Variants in TMEM132D observed in about 807,000 individuals in gnomAD.
TMEM132D encodes transmembrane protein 132D.
Under a neutral mutation model 62.3 loss-of-function variants are expected in TMEM132D, and 21 were observed. The ratio of observed to expected loss-of-function variants is 0.34; its 90% CI spans 0.24 to 0.49. The LOEUF (loss-of-function observed/expected upper bound fraction) is 0.49. Ranked by LOEUF, TMEM132D falls within the 20% of genes least tolerant of loss-of-function variation. TMEM132D has a pLI of 0.99. For missense variants in TMEM132D, 1,346 were observed against 1,402.8 expected, an observed-to-expected ratio of 0.96 and a Z score of 0.65; for synonymous variants, 621 against 575.6, an observed-to-expected ratio of 1.08 and a Z score of -1.13.
intron 2 of TMEM132D, among the ~76,000 whole-genome samples, chr12:129,640,059 TACACACACAC>T (rs10591977): frequency 2.0e-5 from 3 of 150,652 alleles, no homozygotes; most frequent in South Asian, 4.2e-4. Flanking sequence ...CACACACACA[TACACACACAC>T]ACACACACAC....
chr12:129,801,498 T>C (rs1008292984), intron 1 of TMEM132D, among the ~76,000 whole-genome samples: 3 of 151,462 alleles, frequency 2.0e-5, no homozygotes, highest in Admixed American at 6.6e-5. Flanking sequence ...GAAGGAAAAC[T>C]AACAAACAGA....
intron 3 of TMEM132D, among the ~76,000 whole-genome samples, chr12:129,495,682 G>A (rs1320822570): frequency 1.3e-5 from 2 of 152,174 alleles, no homozygotes; most frequent in East Asian, 1.9e-4. Context: ...CAGATTGTGA[G>A]CAATGGGTAT....
chr12:129,649,017 T>TGG (rs1269383598), intron 2 of TMEM132D, among the ~76,000 whole-genome samples: 5 of 152,206 alleles, frequency 3.3e-5, no homozygotes, highest in African/African-American at 1.2e-4. Flanking sequence ...GGCAGGATGC[T>TGG]GGGTGCTTTT....
chr12:129,778,145 T>C (rs1435176168), intron 1 of TMEM132D, among the ~76,000 whole-genome samples: 2 of 150,396 alleles, frequency 1.3e-5, no homozygotes, highest in Non-Finnish European at 3.0e-5. Context: ...AATCACTCTT[T>C]ACCCTTATAT....
chr12:129,150,849 G>A (rs1877050214), intron 5 of TMEM132D, among the ~76,000 whole-genome samples: 1 of 152,240 alleles, frequency 6.6e-6, no homozygotes, highest in Non-Finnish European at 1.5e-5. Context: ...AAGTGATCTA[G>A]AGGTGGGGTT....
At chr12:129,518,491 T>G (rs1018945588) in intron 3 of TMEM132D, among the ~76,000 whole-genome samples, 1 of 150,998 alleles carries the variant, frequency 6.6e-6, no homozygotes, top group East Asian at 1.9e-4. Flanking sequence ...GCCTCTTGAC[T>G]ATATTGTGTG....
At chr12:129,633,566 G>A (rs1219335796) in intron 2 of TMEM132D, among the ~76,000 whole-genome samples, 1 of 152,178 alleles carries the variant, frequency 6.6e-6, no homozygotes, top group Non-Finnish European at 1.5e-5. Context: ...AGGGGACCAT[G>A]ATTCACACCC....
chr12:129,101,228 C>T (rs1875297521), intron 5 of TMEM132D, among the ~76,000 whole-genome samples: 2 of 152,212 alleles, frequency 1.3e-5, no homozygotes, highest in Non-Finnish European at 2.9e-5. Context: ...ATTGGTTCAT[C>T]CTGGCCGAGC....
chr12:129,825,915 A>G (rs1565999222), intron 1 of TMEM132D, among the ~76,000 whole-genome samples: 1 of 152,118 alleles, frequency 6.6e-6, no homozygotes, highest in Non-Finnish European at 1.5e-5. Flanking sequence ...AAATTAAAAA[A>G]TTAGCTGGCA....
intron 5 of TMEM132D, among the ~76,000 whole-genome samples, chr12:129,120,810 A>C (rs1365510726): frequency 6.6e-6 from 1 of 152,166 alleles, no homozygotes; most frequent in Non-Finnish European, 1.5e-5. Flanking sequence ...ATTATTTTTT[A>C]ATTTACACAC....
At chr12:129,380,599 C>T (rs1467344553) in intron 3 of TMEM132D, among the ~76,000 whole-genome samples, 1 of 151,950 alleles carries the variant, frequency 6.6e-6, no homozygotes, top group Non-Finnish European at 1.5e-5. Context: ...CTATTTAGTT[C>T]TATACCATCT....
chr12:129,104,013 C>A (rs924704827), intron 5 of TMEM132D, among the ~76,000 whole-genome samples: 6 of 151,950 alleles, frequency 3.9e-5, no homozygotes, highest in African/African-American at 4.8e-5. Flanking sequence ...GCTACCAATG[C>A]CTTTCTTCAC....
intron 1 of TMEM132D, among the ~76,000 whole-genome samples, chr12:129,877,251 G>GA (rs1339716161): frequency 1.3e-5 from 2 of 151,348 alleles, no homozygotes; most frequent in Non-Finnish European, 2.9e-5. Flanking sequence ...GAATGAAATA[G>GA]AAAGTTCACC....
chr12:129,740,557 T>C (rs2137259050), intron 1 of TMEM132D, among the ~76,000 whole-genome samples: 1 of 152,352 alleles, frequency 6.6e-6, no homozygotes, highest in South Asian at 2.1e-4. Context: ...CAGGTGTAAG[T>C]ATCTTTAATA....
chr12:129,697,091 C>T (rs759734497), intron 2 of TMEM132D, among the ~76,000 whole-genome samples: 21 of 152,170 alleles, frequency 1.4e-4, no homozygotes, highest in Non-Finnish European at 2.4e-4. Context: ...AGGCACGCCG[C>T]CGGGGAGGTG....
chr12:129,251,357 C>CAAAAAAAAAAAAA (rs59666716), intron 4 of TMEM132D, among the ~76,000 whole-genome samples: 1 of 79,782 alleles, frequency 1.3e-5, no homozygotes, highest in Non-Finnish European at 2.3e-5. Flanking sequence ...GACACTGTCT[C>CAAAAAAAAAAAAA]AAAAAAAAAA....
chr12:129,570,490 C>G (rs1241593989), intron 2 of TMEM132D, among the ~76,000 whole-genome samples: 2 of 152,150 alleles, frequency 1.3e-5, no homozygotes, highest in Non-Finnish European at 2.9e-5. Flanking sequence ...GGTTCGTGAC[C>G]AAGAAAATTG....
chr12:129,673,279 T>C (rs571921912), intron 2 of TMEM132D, among the ~76,000 whole-genome samples: 1 of 150,972 alleles, frequency 6.6e-6, no homozygotes, highest in East Asian at 1.9e-4. Context: ...GACTGGCTTC[T>C]TTCATTCAGA....
chr12:129,903,397 A>G lies in TMEM132D; in HGVS notation c.-58T>C. The G allele has an allele frequency of 6.5e-7, 1 of 1,526,958 alleles. No individual in the cohort carries two copies. Among genetic ancestry groups the G allele is most frequent in the Non-Finnish European group, 8.9e-7 (1 of 1,125,812 alleles). 94.6% of individuals were successfully genotyped at this position (1,526,958 alleles called of 1,614,324 possible). Reference sequence around the variant, plus strand: ...CCGGCGCCGTCCAGGCGAACAAGAGACCGTCTCAGTCCCCTAGAGGCCCGC... The same window carrying G: ...CCGGCGCCGTCCAGGCGAACAAGAGGCCGTCTCAGTCCCCTAGAGGCCCGC... On this transcript the variant is annotated 5_prime_UTR_variant, in exon 1 of 9. Coordinates refer to ENST00000422113, the MANE Select transcript of TMEM132D (RefSeq NM_133448.3). This position sits in a 1 kb window ranked among gnomAD's most constrained non-coding sequence, Gnocchi z 6.2.
Sources: gnomAD v4.1 joint callset for allele counts (sites outside exome capture counted in the v4.1 genomes callset) on GRCh38, gnomAD v4.1.1 for gene constraint, Gnocchi (gnomAD v3.1) non-coding constraint, MANE v1.5 for transcripts, NCBI Gene and HGNC (gene_info 2026-07-23, HGNC 2026-07-21) for gene names.